The following CWC22 variants were observed in gnomAD, a reference collection of about 807,000 sequenced individuals.
CWC22 encodes CWC22 spliceosome associated protein.
CWC22 carries 53 observed loss-of-function variants against 117.2 expected under a neutral mutation model. The ratio of observed to expected loss-of-function variants is 0.45; its 90% confidence interval spans 0.36 to 0.57. The LOEUF is 0.57. CWC22 is among the 20% of genes least tolerant of loss of function. The pLI is 0.00. For missense variants in CWC22, 980 were observed against 1,068.8 expected (o/e 0.92, Z 1.16); for synonymous variants, 360 against 355.6 (o/e 1.01, Z -0.14).
In CWC22 at chr2:179,954,916, T is replaced by C. The variant is rs1277816880; in HGVS notation, c.1536+41A>G. The stretch of plus-strand genomic sequence containing the variant: ...TAAAGCAGAAATCATTAATTTACAA[T>C]ATTCGTTTTAAGAATTCCCTCAGTA... On this transcript the variant is annotated intron_variant, in intron 15 of 19. Coordinates refer to ENST00000410053, the MANE Select transcript of CWC22 (RefSeq NM_020943.3). 4.5e-6 allele frequency: 5 copies of C among 1,107,176 alleles called. No individual in the cohort carries two copies. The Admixed American group carries it at 5.9e-5, about 13-fold the overall frequency. The allele number at this position is 1,107,176 out of a possible 1,614,324, so 68.6% of individuals were successfully genotyped here.
chr2:179,994,914 A>T (rs1575658397), intron 1 of CWC22, among the ~76,000 whole-genome samples: 1 of 152,154 alleles, frequency 6.6e-6, no homozygotes, highest in Admixed American at 6.5e-5. Flanking sequence ...CAGGAGATTG[A>T]CACCATCCTG....
intron 12 of CWC22, 42 bp from the exon 13 acceptor site, chr2:179,964,670 T>A (rs1223402637): frequency 9.8e-7 from 1 of 1,025,196 alleles, no homozygotes; most frequent in Non-Finnish European, 1.5e-6. Flanking sequence ...CAAAAATAAA[T>A]GTGATGAAGT....
At chr2:179,977,765 T>C (rs1239872458) in intron 6 of CWC22, among the ~76,000 whole-genome samples, 4 of 152,206 alleles carry the variant, frequency 2.6e-5, no homozygotes, top group Non-Finnish European at 5.9e-5. Flanking sequence ...TTAAACAGCT[T>C]GATTTAGTCA....
intron 13 of CWC22, among the ~76,000 whole-genome samples, chr2:179,961,047 A>T (rs746300213): frequency 6.6e-5 from 10 of 152,006 alleles, no homozygotes; most frequent in Non-Finnish European, 1.5e-5. Flanking sequence ...CTACTTTTAC[A>T]AGTTAGCTTG....
chr2:179,983,317 T>C (rs1041306715), intron 4 of CWC22, among the ~76,000 whole-genome samples: 6 of 152,140 alleles, frequency 3.9e-5, no homozygotes, highest in African/African-American at 1.4e-4. Flanking sequence ...CATGTGTTAA[T>C]GTGTTCTCAT....
chr2:179,951,284 TA>T (rs946215700), intron 17 of CWC22, among the ~76,000 whole-genome samples: 34 of 152,138 alleles, frequency 2.2e-4, no homozygotes, highest in African/African-American at 8.2e-4. Context: ...CAAAAAATTT[TA>T]AAAACCTTCT....
chr2:179,954,225 T>C lies in CWC22; in HGVS notation c.1669A>G (p.Thr557Ala), dbSNP rs1035260033. 1.1e-5 allele frequency: 17 copies of C among 1,610,886 alleles called. No individual in the cohort carries two copies. Among genetic ancestry groups the C allele is most frequent in the Non-Finnish European group, 1.4e-5 (17 of 1,177,992 alleles). ...VAKMFAHLLY[T>A]DSLPWSVLEC... The stretch of plus-strand genomic sequence containing the variant: ...CTTACACTCCATGGAAGTGAATCAG[T>C]GTATAAAAGGTGAGCAAACATCTTA... The change falls in exon 16 of 20, where the codon ACT (threonine) becomes GCT (alanine). Residue 557 changes from threonine to alanine, a missense_variant. Transcript: ENST00000410053.
At chr2:179,965,537 A>G (rs1686867760) in intron 12 of CWC22, among the ~76,000 whole-genome samples, 1 of 152,260 alleles carries the variant, frequency 6.6e-6, no homozygotes. Flanking sequence ...AATCACATGA[A>G]CTCAATAAGA....
chr2:179,946,355 GTGGGAGGATCAATTGAGCC>G (rs1041816417), intron 19 of CWC22, among the ~76,000 whole-genome samples: 1 of 150,824 alleles, frequency 6.6e-6, no homozygotes, highest in African/African-American at 2.4e-5. Context: ...GGAGCCTGAG[GTGGGAGGATCAATTGAGCC>G]TGGGAGGCAG....
At chr2:179,982,451 G>A (rs1211210837) in intron 4 of CWC22, among the ~76,000 whole-genome samples, 1 of 152,140 alleles carries the variant, frequency 6.6e-6, no homozygotes, top group Non-Finnish European at 1.5e-5. Context: ...TAGGAGAGTG[G>A]CATGAAAAGA....
At chr2:179,981,613 AG>A (rs1687289810) in intron 5 of CWC22, 138 bp downstream of exon 5, 1 of 644,416 alleles carries the variant, frequency 1.6e-6, no homozygotes, top group South Asian at 2.0e-5. Context: ...GGAGCTATAA[AG>A]TAAAGAGGTC....
Position 179,945,332 on chromosome 2 carries a change from C to A in CWC22, c.2524G>T (p.Asp842Tyr). ...TCTTTTCTTCTGAAATTTTCACTGT[C>A]TTTAATTCGGTGTGTATGCTTCTCA... Reference protein sequence around the residue: ...ENEKHTHRIKDSENFRRKDRS... With the variant: ...ENEKHTHRIKYSENFRRKDRS... Residue 842 changes from aspartate (D) to tyrosine (Y), a missense_variant, in exon 20 of 20, where the codon GAC becomes TAC. By Grantham distance (160) the Asp-to-Tyr change is radical. Around this residue, in one of 3 missense-constraint regions of CWC22, gnomAD observed 306 missense variants for 296.8 expected, o/e 1.03. Transcript: ENST00000410053. 6.2e-7 allele frequency: 1 copy of A among 1,613,368 alleles called. No homozygotes were observed. Among genetic ancestry groups the A allele is most frequent in the South Asian group, 1.1e-5 (1 of 90,952 alleles).
chr2:179,983,162 T>A (rs1040928821), intron 4 of CWC22, among the ~76,000 whole-genome samples: 2 of 152,092 alleles, frequency 1.3e-5, no homozygotes, highest in African/African-American at 4.8e-5. Flanking sequence ...TAGGTAAACT[T>A]GTGTCATGGG....
At chr2:179,978,431 G>A (rs1687205110) in intron 5 of CWC22, 113 bp from the exon 6 acceptor site, 44 of 1,160,050 alleles carry the variant, frequency 3.8e-5, no homozygotes, top group Non-Finnish European at 4.9e-5. Context: ...TTCATGAAAC[G>A]ACCCCCAAGT....
chr2:179,945,290 C>T lies in CWC22; in HGVS notation c.2566G>A (p.Glu856Lys), dbSNP rs766916070. The stretch of plus-strand genomic sequence containing the variant: ...GAGCCTGAGTGCTTTCTATTCATTT[C>T]CTTTGACTTTGATCTATCTTTTCTT... The part of the protein sequence containing the change: ...FRRKDRSKSK[E>K]MNRKHSGSRS... The change falls in exon 20 of 20, where the codon GAA becomes AAA. Residue 856 changes from glutamate to lysine, a missense_variant. Coordinates refer to ENST00000410053, the MANE Select transcript of CWC22 (RefSeq NM_020943.3). 3.7e-6 allele frequency: 6 copies of T among 1,613,638 alleles called. No individual in the cohort carries two copies. Among genetic ancestry groups the T allele is most frequent in the Admixed American group, 1.7e-5 (1 of 59,988 alleles).
At chr2:179,958,964 C>T (rs1575641216) in intron 14 of CWC22, 58 bp downstream of exon 14, 2 of 1,037,300 alleles carry the variant, frequency 1.9e-6, no homozygotes, top group Non-Finnish European at 2.9e-6. Context: ...CCATTAACAG[C>T]CTTAAACATT....
chr2:180,002,414 G>A (rs1687868955), intron 1 of CWC22, among the ~76,000 whole-genome samples: 1 of 152,136 alleles, frequency 6.6e-6, no homozygotes, highest in South Asian at 2.1e-4. Context: ...GGGTGCAGTG[G>A]CATGTGCCTA....
chr2:179,998,400 A>AT (rs562669959), intron 1 of CWC22, among the ~76,000 whole-genome samples: 25 of 149,862 alleles, frequency 1.7e-4, no homozygotes, highest in South Asian at 1.3e-3. Context: ...TGTTCTGGTG[A>AT]TTTTTTTTTT....
rs1196011016 is a variant in CWC22 at position 179,950,682 on chromosome 2, T to G, written c.1970A>C (p.Gln657Pro). 1 of 1,613,696 alleles carries G rather than the reference T, an allele frequency of 6.2e-7. No homozygotes were observed. Among genetic ancestry groups the G allele is most frequent in the Non-Finnish European group, 8.5e-7 (1 of 1,179,640 alleles). Residue 657 changes from glutamine to proline, a missense_variant, in exon 19 of 20, where the codon CAG becomes CCG. Gln to Pro is a moderately conservative substitution (Grantham distance 76). Coordinates refer to ENST00000410053, the MANE Select transcript of CWC22 (RefSeq NM_020943.3). ...TTTATTTTGCTCAACATCTGGTTTC[T>G]GCGCCACAATGACCTTTGGTGTATT... Reference protein sequence around the residue: ...LKNTPKVIVAQKPDVEQNKSS... With the variant: ...LKNTPKVIVAPKPDVEQNKSS...
Sources: allele counts gnomAD v4.1 joint callset (sites outside exome capture counted in the v4.1 genomes callset), GRCh38; gene constraint gnomAD v4.1.1; regional missense constraint gnomAD v4.1.1; transcripts MANE v1.5; gene names NCBI Gene and HGNC (gene_info 2026-07-23, HGNC 2026-07-21).